The following CYB5R4 variants were observed in gnomAD, a reference collection of about 807,000 sequenced individuals.
CYB5R4 encodes the protein cytochrome b5 reductase 4, also known as N-terminal cytochrome b5 and cytochrome b5 oxidoreductase domain-containing protein.
A neutral mutation model predicts 70.2 loss-of-function variants in CYB5R4; 55 were observed. The observed-to-expected ratio is 0.78, with a 90% CI of 0.63 to 0.98. The LOEUF (loss-of-function observed/expected upper bound fraction) is 0.98, where lower values mean the gene tolerates loss of function less well. Among genes scored for constraint, CYB5R4 ranks in the 50% least tolerant of loss-of-function variants. The probability of loss-of-function intolerance (pLI) is 0.00; values close to 1 mark genes in which losing one functional copy is unlikely to be tolerated. For synonymous variants in CYB5R4, 197 were observed against 199.5 expected (o/e 0.99, Z 0.11); for missense variants, 562 against 612.6 (o/e 0.92, Z 0.87).
intron 10 of CYB5R4, among the ~76,000 whole-genome samples, chr6:83,932,037 G>A (rs1341542881): frequency 1.3e-5 from 2 of 149,972 alleles, no homozygotes; most frequent in Non-Finnish European, 2.9e-5. Flanking sequence ...ACCTATGAGT[G>A]AGAACATGCG....
At chr6:83,894,506 A>T (rs1208453374) in intron 3 of CYB5R4, among the ~76,000 whole-genome samples, 1 of 152,132 alleles carries the variant, frequency 6.6e-6, no homozygotes, top group Admixed American at 6.6e-5. Flanking sequence ...TGCCAGAAAT[A>T]GAATTTGTTT....
intron 14 of CYB5R4, among the ~76,000 whole-genome samples, chr6:83,953,875 C>G (rs961143439): frequency 6.6e-6 from 1 of 152,076 alleles, no homozygotes; most frequent in African/African-American, 2.4e-5. Context: ...TATCAGCCTA[C>G]TTTAAAATAA....
chr6:83,903,505 A>C (rs2099463318), intron 3 of CYB5R4, among the ~76,000 whole-genome samples: 1 of 151,810 alleles, frequency 6.6e-6, no homozygotes, highest in South Asian at 2.1e-4. Flanking sequence ...GTTTTTGTAC[A>C]CTTACTTGGT....
chr6:83,914,285 C>T (rs1372800323), intron 4 of CYB5R4, 131 bp from the exon 5 acceptor site: 5 of 965,052 alleles, frequency 5.2e-6, no homozygotes, highest in Non-Finnish European at 7.3e-6. Context: ...TGGCCTGTTT[C>T]TCTCCTCAGG....
intron 3 of CYB5R4, among the ~76,000 whole-genome samples, chr6:83,905,380 G>T (rs964641435): frequency 6.6e-6 from 1 of 152,172 alleles, no homozygotes; most frequent in Non-Finnish European, 1.5e-5. Context: ...TCATATGGGA[G>T]AAATTTTTCC....
At position 83,925,657 on chromosome 6, in the gene CYB5R4, C is replaced by T. The variant is rs1186414590; in HGVS notation, c.814+1065C>T. 2.0e-5 allele frequency among the ~76,000 whole-genome samples: 3 copies of T among 152,148 alleles called. No individual in the cohort carries two copies. In the East Asian group the frequency reaches 5.8e-4, roughly 29 times the overall value. On this transcript the variant is annotated intron_variant, in intron 10 of 15. Coordinates refer to ENST00000369681, the MANE Select transcript of CYB5R4 (RefSeq NM_016230.4). ...ATGTGCCAGAACATGGATGATTTTT[C>T]ATCCTTCATGCTGGGTATACATTTT... is the stretch of plus-strand genomic sequence containing the variant.
At chr6:83,877,217 A>G (rs2099458703) in intron 2 of CYB5R4, among the ~76,000 whole-genome samples, 1 of 152,124 alleles carries the variant, frequency 6.6e-6, no homozygotes, top group African/African-American at 2.4e-5. Context: ...CTTCATTTTA[A>G]AGATATATTG....
At chr6:83,900,092 T>C (rs1344854205) in intron 3 of CYB5R4, among the ~76,000 whole-genome samples, 1 of 152,214 alleles carries the variant, frequency 6.6e-6, no homozygotes, top group Admixed American at 6.5e-5. Flanking sequence ...CTGCTTTCTC[T>C]TGTGGGCATT....
At chr6:83,952,337 T>C (rs1179621408) in intron 14 of CYB5R4, among the ~76,000 whole-genome samples, 3 of 152,188 alleles carry the variant, frequency 2.0e-5, no homozygotes, top group African/African-American at 7.2e-5. Context: ...CATAAGTGAC[T>C]GTAAAGTCTG....
At chr6:83,903,885 G>A (rs1326240169) in intron 3 of CYB5R4, among the ~76,000 whole-genome samples, 2 of 151,898 alleles carry the variant, frequency 1.3e-5, no homozygotes, top group African/African-American at 2.4e-5. Flanking sequence ...GGTATCAGTT[G>A]TGTTGTCTCC....
intron 4 of CYB5R4, among the ~76,000 whole-genome samples, chr6:83,911,979 C>T (rs2099464760): frequency 6.6e-6 from 1 of 151,456 alleles, no homozygotes; most frequent in Non-Finnish European, 1.5e-5. Context: ...ATTTCTTGAG[C>T]CCACCAGGCA....
rs528525538 is a variant in CYB5R4 at position 83,863,995 on chromosome 6, T to C, written c.76-180T>C. Among the ~76,000 whole-genome samples the C allele has an allele frequency of 2.0e-5, 3 of 152,202 alleles. No homozygotes were observed. The South Asian group carries it at 6.2e-4, about 32-fold the overall frequency. On this transcript the variant is annotated intron_variant, in intron 1 of 15. Transcript: ENST00000369681. The stretch of plus-strand genomic sequence containing the variant: ...TACTGTGACATCAATATGGTGAAAA[T>C]TTGTGTGGTAGAATTTCTAAGCCCT...
intron 2 of CYB5R4, among the ~76,000 whole-genome samples, chr6:83,883,622 T>C (rs1220278072): frequency 3.9e-5 from 6 of 152,196 alleles, no homozygotes; most frequent in Non-Finnish European, 7.4e-5. Context: ...TGGAAATTTA[T>C]TACCTGTAGA....
intron 2 of CYB5R4, among the ~76,000 whole-genome samples, chr6:83,879,143 C>G (rs2099459056): frequency 6.6e-6 from 1 of 151,686 alleles, no homozygotes; most frequent in Admixed American, 6.6e-5. Flanking sequence ...TTTTGTACTT[C>G]CCCAAGGGCA....
chr6:83,905,642 C>T (rs2099463643), intron 3 of CYB5R4, among the ~76,000 whole-genome samples: 3 of 151,932 alleles, frequency 2.0e-5, no homozygotes, highest in African/African-American at 2.4e-5. Context: ...TGTCCTTGGG[C>T]CCCAGGATGG....
intron 2 of CYB5R4, among the ~76,000 whole-genome samples, chr6:83,865,020 C>A (rs1236107401): frequency 6.6e-6 from 1 of 152,082 alleles, no homozygotes; most frequent in Non-Finnish European, 1.5e-5. Flanking sequence ...TGTTTACCAT[C>A]TGTTTAGAGA....
intron 2 of CYB5R4, among the ~76,000 whole-genome samples, chr6:83,889,244 A>G (rs566014380): frequency 3.3e-5 from 5 of 152,206 alleles, no homozygotes; most frequent in Non-Finnish European, 7.3e-5. Flanking sequence ...CACATTTTCC[A>G]TGTAGATTAA....
Position 83,890,037 on chromosome 6 carries a change from C to T in CYB5R4, c.230-3485C>T, listed in dbSNP as rs2099460879. Among the ~76,000 whole-genome samples, 5 of 152,264 alleles carry T rather than the reference C, an allele frequency of 3.3e-5. No homozygotes were observed. The Middle Eastern group carries it at 0.01, about 311-fold the overall frequency. ...TGAGATTTGGGCTGGGACAGATATA[C>T]AAACTATATCACCTTCTAACACGGC... On this transcript the variant is annotated intron_variant, in intron 2 of 15. Transcript: ENST00000369681.
At chr6:83,877,687 C>G (rs1320305200) in intron 2 of CYB5R4, among the ~76,000 whole-genome samples, 1 of 152,144 alleles carries the variant, frequency 6.6e-6, no homozygotes, top group Non-Finnish European at 1.5e-5. Flanking sequence ...CCAGACACCT[C>G]CCATTAGGCC....
Sources: allele counts gnomAD v4.1 joint callset (sites outside exome capture counted in the v4.1 genomes callset), GRCh38; gene constraint gnomAD v4.1.1; transcripts MANE v1.5; gene names NCBI Gene and HGNC (gene_info 2026-07-23, HGNC 2026-07-21).